STARD13: variants seen among roughly 807,000 people sequenced by gnomAD.
STARD13 encodes the protein StAR related lipid transfer domain containing 13, also known as stAR-related lipid transfer protein 13.
STARD13 carries 62 observed loss-of-function variants against 106.4 expected under a neutral mutation model. That is an observed-to-expected ratio of 0.58 (90% CI 0.48 to 0.72). The LOEUF is 0.72. Ranked by LOEUF, STARD13 falls within the 30% of genes least tolerant of loss-of-function variation. The probability of loss-of-function intolerance (pLI) is 0.00; values close to 1 mark genes in which losing one functional copy is unlikely to be tolerated. For synonymous variants in STARD13, 565 were observed against 553.0 expected (o/e 1.02, Z -0.31); for missense variants, 1,387 against 1,424.0 (o/e 0.97, Z 0.42).
rs1249061292 is a variant in STARD13 at position 33,130,300 on chromosome 13, C to G, written c.388-11G>C. ...ATCGGAGTCGTCACCCTGCAGAGCA[C>G]CAAGGAAAATGCTCATTAGCAGACA... On this transcript the variant is annotated splice_polypyrimidine_tract_variant and intron_variant, in intron 4 of 13. Transcript: ENST00000336934. This position sits in a 1 kb window ranked among gnomAD's most constrained non-coding sequence, Gnocchi z 4.1. 2.5e-6 allele frequency: 4 copies of G among 1,596,104 alleles called. No homozygotes were observed. The highest frequency in any genetic ancestry group is 1.7e-5 in the Admixed American group (1 of 59,890).
chr13:33,565,030 A>G, the STARD13 span, among the ~76,000 whole-genome samples: 1 of 146,672 alleles, frequency 6.8e-6, no homozygotes, highest in African/African-American at 2.5e-5. Flanking sequence ...AAATCCTGTC[A>G]TTTTCAGCAC....
intron 2 of STARD13, 57 bp downstream of exon 2, chr13:33,167,494 G>A (rs895275534): frequency 9.9e-6 from 15 of 1,522,154 alleles, no homozygotes; most frequent in Admixed American, 6.7e-5. Flanking sequence ...CACAGGATAC[G>A]TGTGGTTCAT....
intron 1 of STARD13, among the ~76,000 whole-genome samples, chr13:33,296,584 C>T (rs1044332618): frequency 6.6e-6 from 1 of 152,084 alleles, no homozygotes; most frequent in Non-Finnish European, 1.5e-5. Context: ...CTGGGCCCAG[C>T]CCCTGGCAAC....
chr13:33,170,083 T>C (rs956236130), intron 1 of STARD13, among the ~76,000 whole-genome samples: 3 of 152,104 alleles, frequency 2.0e-5, no homozygotes, highest in Non-Finnish European at 4.4e-5. Context: ...TAAGACCTAC[T>C]ATTTGATAGC....
At chr13:33,184,919 T>A (rs1885604256) in intron 1 of STARD13, among the ~76,000 whole-genome samples, 1 of 152,214 alleles carries the variant, frequency 6.6e-6, no homozygotes, top group Non-Finnish European at 1.5e-5. Context: ...CTATGTGTAG[T>A]TGGAATATAA....
the STARD13 span, among the ~76,000 whole-genome samples, chr13:33,621,573 G>C: frequency 1.3e-5 from 2 of 150,472 alleles, no homozygotes; most frequent in Admixed American, 6.6e-5. Context: ...CCAGCTACTC[G>C]GGAGGCTGAG....
the STARD13 span, among the ~76,000 whole-genome samples, chr13:33,532,977 A>C: frequency 1.4e-4 from 22 of 152,224 alleles, no homozygotes; most frequent in Non-Finnish European, 3.2e-4. Flanking sequence ...GGACCCCAAC[A>C]GAAAGAACCC....
chr13:33,319,723 C>A (rs188049481), intron 1 of STARD13, among the ~76,000 whole-genome samples: 1 of 152,058 alleles, frequency 6.6e-6, no homozygotes, highest in Non-Finnish European at 1.5e-5. Context: ...TTAGTGAGGT[C>A]TTGGCAAAAT....
the STARD13 span, among the ~76,000 whole-genome samples, chr13:33,374,367 C>T: frequency 1.3e-5 from 2 of 152,036 alleles, no homozygotes; most frequent in Admixed American, 6.6e-5. Context: ...GTGATGGTTA[C>T]ATAACAATAT....
the STARD13 span, among the ~76,000 whole-genome samples, chr13:33,650,251 C>T: frequency 3.5e-4 from 42 of 119,334 alleles, no homozygotes; most frequent in Non-Finnish European, 6.2e-4. Flanking sequence ...AGTGCAGTGG[C>T]GCGATCTCTG....
the STARD13 span, among the ~76,000 whole-genome samples, chr13:33,498,083 C>T: frequency 6.6e-6 from 1 of 152,070 alleles, no homozygotes; most frequent in Non-Finnish European, 1.5e-5. Context: ...TTCAAAGAGA[C>T]GAACTAGAAG....
At chr13:33,461,729 T>C in the STARD13 span, among the ~76,000 whole-genome samples, 1 of 152,196 alleles carries the variant, frequency 6.6e-6, no homozygotes, top group Non-Finnish European at 1.5e-5. Context: ...ATGATATATA[T>C]GAATTTGTAA....
intron 1 of STARD13, among the ~76,000 whole-genome samples, chr13:33,188,860 G>A (rs1257832871): frequency 1.3e-5 from 2 of 152,152 alleles, no homozygotes; most frequent in Non-Finnish European, 2.9e-5. Context: ...AATGACAAAC[G>A]AAAAGACACT....
At chr13:33,171,344 C>T (rs899136741) in intron 1 of STARD13, among the ~76,000 whole-genome samples, 6 of 152,176 alleles carry the variant, frequency 3.9e-5, no homozygotes, top group South Asian at 2.1e-4. Context: ...CCAATCTCTA[C>T]GGAGGTTACT....
intron 1 of STARD13, among the ~76,000 whole-genome samples, chr13:33,220,051 T>C (rs953747505): frequency 1.3e-5 from 2 of 152,160 alleles, no homozygotes; most frequent in African/African-American, 4.8e-5. Context: ...TGCCTGTCTT[T>C]TCCTGGATTA....
At chr13:33,227,700 G>A (rs1001467338) in intron 1 of STARD13, among the ~76,000 whole-genome samples, 2 of 152,070 alleles carry the variant, frequency 1.3e-5, no homozygotes, top group African/African-American at 4.8e-5. Context: ...GGTACAACAG[G>A]GAGGCAAGAT....
At chr13:33,582,558 G>A in the STARD13 span, among the ~76,000 whole-genome samples, 5 of 152,130 alleles carry the variant, frequency 3.3e-5, no homozygotes, top group Non-Finnish European at 7.4e-5. Context: ...CTGTTAATAT[G>A]TACATGCCAA....
At chr13:33,557,329 A>G in the STARD13 span, among the ~76,000 whole-genome samples, 1 of 152,184 alleles carries the variant, frequency 6.6e-6, no homozygotes, top group African/African-American at 2.4e-5. Context: ...ATGACTTGTG[A>G]TGATTTCCAA....
chr13:33,526,714 TGGACTGTAA>T, the STARD13 span, among the ~76,000 whole-genome samples: 33,797 of 151,796 alleles, frequency 0.22, 6,082 homozygotes, highest in African/African-American at 0.5. Context: ...TTGTACTCTC[TGGACTGTAA>T]GGACTGTAAG....
Sources: allele counts gnomAD v4.1 joint callset (sites outside exome capture counted in the v4.1 genomes callset), GRCh38; gene constraint gnomAD v4.1.1; non-coding constraint Gnocchi (gnomAD v3.1); transcripts MANE v1.5; gene names NCBI Gene and HGNC (gene_info 2026-07-23, HGNC 2026-07-21).